USP40: variants seen among roughly 807,000 people sequenced by gnomAD.
The protein encoded by USP40 is ubiquitin carboxyl-terminal hydrolase 40.
Under a neutral mutation model 166.2 loss-of-function variants are expected in USP40, and 143 were observed. The observed-to-expected ratio is 0.86, with a 90% CI of 0.75 to 0.99. The LOEUF is 0.99. Among genes scored for constraint, USP40 ranks in the 50% least tolerant of loss-of-function variants. The pLI is 0.00. For synonymous variants in USP40, 498 were observed against 524.0 expected, an observed-to-expected ratio of 0.95 and a Z score of 0.68; for missense variants, 1,444 against 1,479.7, an observed-to-expected ratio of 0.98 and a Z score of 0.40.
chr2:233,513,607 G>A (rs2066979267), intron 18 of USP40, among the ~76,000 whole-genome samples: 2 of 152,206 alleles, frequency 1.3e-5, no homozygotes, highest in South Asian at 4.2e-4. Context: ...TCTTGCTGGG[G>A]GATTGATGTT....
intron 12 of USP40, among the ~76,000 whole-genome samples, 163 bp downstream of exon 12, chr2:233,529,268 T>A (rs2068300833): frequency 2.0e-5 from 3 of 152,228 alleles, no homozygotes; most frequent in Non-Finnish European, 4.4e-5. Flanking sequence ...ATTTCAGAGT[T>A]AAAGTTACCC....
Position 233,559,839 on chromosome 2 carries a change from G to A in USP40, c.353C>T (p.Thr118Ile), listed in dbSNP as rs376953955. Residue 118 changes from threonine (T) to isoleucine (I), a missense_variant, in exon 4 of 32, where the codon ACT becomes ATT. Transcript: ENST00000678225. ...ATTACTGGTCCACCCAAAGCTGTCA[G>A]TGAGGTCTGCTGTGGATGCAGCTTC... ...DQEAASTADL[T>I]DSFGWTSNEE... 130 of 1,609,708 alleles carry A rather than the reference G, an allele frequency of 8.1e-5. No individual in the cohort carries two copies. The highest frequency in any genetic ancestry group is 1.0e-4 in the Non-Finnish European group (121 of 1,178,192).
chr2:233,518,667 T>G, intron 18 of USP40, among the ~76,000 whole-genome samples: 1 of 152,008 alleles, frequency 6.6e-6, no homozygotes, highest in East Asian at 1.9e-4. Context: ...GTATAAATGG[T>G]TCAGTCACTT....
At chr2:233,485,689 T>C in intron 29 of USP40, 63 bp from the exon 30 acceptor site, 1 of 1,601,176 alleles carries the variant, frequency 6.2e-7, no homozygotes, top group Non-Finnish European at 8.5e-7. Flanking sequence ...CTAACTTCTC[T>C]ATCACTGTGA....
At position 233,485,559 on chromosome 2, in the gene USP40, A is replaced by G; in HGVS notation, c.3476T>C (p.Leu1159Ser). 1.9e-6 allele frequency: 3 copies of G among 1,613,958 alleles called. No homozygotes were observed. The highest frequency in any genetic ancestry group is 2.5e-6 in the Non-Finnish European group (3 of 1,179,866). The change falls in exon 30 of 32, where the codon TTG (leucine) becomes TCG (serine). Residue 1159 changes from leucine to serine, a missense_variant. Physicochemically the swap from Leu to Ser is moderately radical, Grantham distance 145. Transcript: ENST00000678225. Reference sequence around the variant, plus strand: ...AACACCAATAGTATCTCCGTCTTTCAAGTAATACGGTGCCCCTTGCAAATA... The same window carrying G: ...AACACCAATAGTATCTCCGTCTTTCGAGTAATACGGTGCCCCTTGCAAATA... ...QDYLQGAPYYLKDGDTIGVKN... is the reference protein window; with the variant it reads ...QDYLQGAPYYSKDGDTIGVKN...
intron 21 of USP40, among the ~76,000 whole-genome samples, chr2:233,505,773 C>A (rs1468510065): frequency 2.0e-5 from 3 of 152,068 alleles, no homozygotes; most frequent in African/African-American, 4.8e-5. Flanking sequence ...TCAAACTACT[C>A]CAGAAAATTG....
chr2:233,515,370 C>T (rs1036614115), intron 18 of USP40, among the ~76,000 whole-genome samples: 2 of 152,178 alleles, frequency 1.3e-5, no homozygotes. Flanking sequence ...GCTCCACATC[C>T]TTGCTAACAC....
chr2:233,551,512 T>A lies in USP40; in HGVS notation c.701A>T (p.Lys234Ile). Residue 234 changes from lysine (K) to isoleucine (I), a missense_variant, in exon 7 of 32, where the codon AAA becomes ATA. Physicochemically the swap from Lys to Ile is moderately radical, Grantham distance 102 (BLOSUM62 -3). Coordinates refer to ENST00000678225, the MANE Select transcript of USP40 (RefSeq NM_001365479.2). Reference sequence around the variant, plus strand: ...AAGAAAAGGAGGCAGCTTACGTAATTTGGCCGACTGTTAAAAGAAAAATTT... The same window carrying A: ...AAGAAAAGGAGGCAGCTTACGTAATATGGCCGACTGTTAAAAGAAAAATTT... ...DRLVKAAKSA[K>I]LRKLPPFLTV... is the part of the protein sequence containing the mutation. The A allele has an allele frequency of 6.3e-7, 1 of 1,591,934 alleles. No homozygotes were observed. Among genetic ancestry groups the A allele is most frequent in the East Asian group, 2.2e-5 (1 of 44,630 alleles).
chr2:233,555,840 C>T lies in USP40; in HGVS notation c.546+1015G>A, dbSNP rs144753062. ...TTGAAAATGCTAATTTTGGGCCAGGCGCGGTGGCTCATGCCTGTAATCCCA... is the reference window on the plus strand; with the variant it reads ...TTGAAAATGCTAATTTTGGGCCAGGTGCGGTGGCTCATGCCTGTAATCCCA... On this transcript the variant is annotated intron_variant, in intron 5 of 31. Transcript: ENST00000678225. Among the ~76,000 whole-genome samples the T allele has an allele frequency of 6.8e-3, 1,040 of 151,992 alleles. 3 individuals are homozygous for T. Among genetic ancestry groups the T allele is most frequent in the Middle Eastern group, 0.017 (5 of 294 alleles).
rs533748545 is a variant in USP40 at position 233,514,976 on chromosome 2, A to G, written c.2384-2354T>C. On this transcript the variant is annotated intron_variant, in intron 18 of 31. Coordinates refer to ENST00000678225, the MANE Select transcript of USP40 (RefSeq NM_001365479.2). ...ACTACAGCTTAGATTTTATTTGTCT[A>G]AAGTGTCCTATGTATGGAACCACAC... Among the ~76,000 whole-genome samples, 9 of 152,276 alleles carry G rather than the reference A, an allele frequency of 5.9e-5. No individual in the cohort carries two copies. The South Asian group carries it at 1.5e-3, about 25-fold the overall frequency.
chr2:233,565,921 G>A (rs1451374412), intron 1 of USP40, among the ~76,000 whole-genome samples: 1 of 152,086 alleles, frequency 6.6e-6, no homozygotes, highest in Admixed American at 6.6e-5. Context: ...AAAAAGGCAC[G>A]TTCACATCAC....
At chr2:233,502,464 T>A (rs1161669557) in intron 21 of USP40, among the ~76,000 whole-genome samples, 1 of 152,168 alleles carries the variant, frequency 6.6e-6, no homozygotes, top group African/African-American at 2.4e-5. Flanking sequence ...CAATGAATAT[T>A]TTCTTTGAGT....
In USP40 at chr2:233,476,088, G is replaced by A. The variant is rs2064172809; in HGVS notation, c.*1304C>T. 6.6e-6 allele frequency: 1 copy of A among 152,400 alleles called. No homozygotes were observed. Among genetic ancestry groups the A allele is most frequent in the Admixed American group, 6.5e-5 (1 of 15,294 alleles). The allele number at this position is 152,400 out of a possible 1,614,324, so 9.4% of individuals were successfully genotyped here. A position where few individuals can be genotyped will look rare whatever the true frequency, so the allele number is the denominator to read the frequency against. On this transcript the variant is annotated 3_prime_UTR_variant, in exon 32 of 32. Transcript: ENST00000678225. ...TCAGACACGTGTGCAGAAGCGACGT[G>A]GCTTCTGTCTGGTAGGGGTTTGGAC... is the stretch of plus-strand genomic sequence containing the variant.
chr2:233,515,012 CT>C (rs1299310053), intron 18 of USP40, among the ~76,000 whole-genome samples: 1 of 152,194 alleles, frequency 6.6e-6, no homozygotes, highest in Non-Finnish European at 1.5e-5. Context: ...AATGTGTACT[CT>C]TTTGCATCTA....
intron 21 of USP40, among the ~76,000 whole-genome samples, chr2:233,502,840 T>G (rs1243571826): frequency 6.6e-6 from 1 of 151,546 alleles, no homozygotes; most frequent in Non-Finnish European, 1.5e-5. Flanking sequence ...CAACACATCA[T>G]TTCCAACAGA....
intron 8 of USP40, chr2:233,546,738 T>C (rs1170474216): frequency 6.6e-6 from 1 of 152,176 alleles, no homozygotes; most frequent in Non-Finnish European, 1.5e-5. Flanking sequence ...GGCTTCATCT[T>C]AAAGAGAGAG....
Position 233,559,921 on chromosome 2 carries a change from G to T in USP40, c.271C>A (p.Arg91=). 6.3e-7 allele frequency: 1 copy of T among 1,596,766 alleles called. No homozygotes were observed. Among genetic ancestry groups the T allele is most frequent in the Non-Finnish European group, 8.5e-7 (1 of 1,170,924 alleles). The change falls in exon 4 of 32, where the codon CGA becomes AGA. Residue 91 remains arginine (R), a synonymous_variant. Transcript: ENST00000678225. ...CGCTGTAACTGTAAAGGGATGATTC[G>T]AACCTGAATGAGAAACAAACACATT... ...EDKDKPDAKV[R]IIPLQLQRLF... is the part of the protein sequence containing the mutation.
chr2:233,482,540 C>G (rs1408887711), intron 30 of USP40, among the ~76,000 whole-genome samples: 1 of 151,724 alleles, frequency 6.6e-6, no homozygotes, highest in African/African-American at 2.4e-5. Flanking sequence ...TAACACCAAA[C>G]TGCTCTCCAG....
chr2:233,549,073 A>G lies in USP40; in HGVS notation c.966+28T>C, dbSNP rs933963208. 1.9e-6 allele frequency: 3 copies of G among 1,570,248 alleles called. No homozygotes were observed. In the Admixed American group the frequency reaches 5.8e-5, roughly 31 times the overall value. Reference sequence around the variant, plus strand: ...TAGGAATAGAAAAGAAATTGCAAAGATATTTCTAAACGAATTTCTATACGT... The same window carrying G: ...TAGGAATAGAAAAGAAATTGCAAAGGTATTTCTAAACGAATTTCTATACGT... On this transcript the variant is annotated intron_variant, in intron 8 of 31. Transcript: ENST00000678225.
Sources: allele counts gnomAD v4.1 joint callset (sites outside exome capture counted in the v4.1 genomes callset), GRCh38; gene constraint gnomAD v4.1.1; transcripts MANE v1.5; gene names NCBI Gene and HGNC (gene_info 2026-07-23, HGNC 2026-07-21).